Variants in TMED8 observed in about 807,000 individuals in gnomAD.
The protein encoded by TMED8 is transmembrane p24 trafficking protein family member 8.
In TMED8, 15 loss-of-function variants were observed where a neutral mutation model predicts 32.7. The observed-to-expected ratio is 0.46, with a 90% CI of 0.31 to 0.71. The LOEUF (loss-of-function observed/expected upper bound fraction) is 0.71, where lower values mean the gene tolerates loss of function less well. Ranked by LOEUF, TMED8 falls within the 30% of genes least tolerant of loss-of-function variation. The pLI is 0.06. For synonymous variants in TMED8, 147 were observed against 161.4 expected (o/e 0.91, Z 0.68); for missense variants, 390 against 423.9 (o/e 0.92, Z 0.70).
At chr14:77,364,016 C>A (rs1309857484) in intron 1 of TMED8, among the ~76,000 whole-genome samples, 1 of 152,194 alleles carries the variant, frequency 6.6e-6, no homozygotes, top group Non-Finnish European at 1.5e-5. Flanking sequence ...AAATTCTCCA[C>A]AAGGATCATC....
At position 77,376,912 on chromosome 14, in the gene TMED8, C is replaced by T; in HGVS notation, c.118+24G>A. On this transcript the variant is annotated intron_variant, in intron 1 of 5. Coordinates refer to ENST00000216468, the MANE Select transcript of TMED8 (RefSeq NM_213601.3). The surrounding 1 kb of genome is among the most constrained non-coding windows in gnomAD (Gnocchi z 4.0). ...GCCCTGAGGCCGGGCGGCACCCACC[C>T]GCCAGCGCCCCGGCCTTGCGTACCT... 6 of 1,381,236 alleles carry T rather than the reference C, an allele frequency of 4.3e-6. No individual in the cohort carries two copies. Among genetic ancestry groups the T allele is most frequent in the Non-Finnish European group, 5.7e-6 (6 of 1,057,280 alleles). The allele number at this position is 1,381,236 out of a possible 1,614,324, so 85.6% of individuals were successfully genotyped here. A position where few individuals can be genotyped will look rare whatever the true frequency, so the allele number is the denominator to read the frequency against.
intron 2 of TMED8, among the ~76,000 whole-genome samples, chr14:77,350,441 C>G (rs968723541): frequency 1.3e-5 from 2 of 152,010 alleles, no homozygotes; most frequent in African/African-American, 4.8e-5. Flanking sequence ...ATATTAGCCC[C>G]AAAATATTTG....
chr14:77,372,923 TATATATATATATATATATATATATA>T (rs1893708953), intron 1 of TMED8, among the ~76,000 whole-genome samples: 24 of 25,808 alleles, frequency 9.3e-4, no homozygotes, highest in African/African-American at 3.0e-3. Context: ...TATATATATA[TATATATATATATATATATATATATA>T]TATATTTTTT....
intron 1 of TMED8, among the ~76,000 whole-genome samples, chr14:77,362,439 A>G (rs984427830): frequency 2.6e-5 from 4 of 152,176 alleles, no homozygotes; most frequent in Non-Finnish European, 5.9e-5. Context: ...TTTATTCTAC[A>G]TAAGCCTCAT....
Position 77,341,817 on chromosome 14 carries a change from AG to A in TMED8, c.931del (p.Leu311CysfsTer29). On this transcript the variant is annotated frameshift_variant, in exon 6 of 6. Coordinates refer to ENST00000216468, the MANE Select transcript of TMED8 (RefSeq NM_213601.3). LOFTEE classifies it high-confidence loss of function. ...YLLKFDNSYS[L>X]LRNKTLYFHI... The stretch of plus-strand genomic sequence containing the variant: ...GAAGTAGAGAGTCTTGTTGCGCAGC[AG>A]GGAGTAGGAGTTGTCGAACTTGAGC... 1 of 1,613,944 alleles carries A rather than the reference AG, an allele frequency of 6.2e-7. No homozygotes were observed. The highest frequency in any genetic ancestry group is 1.1e-5 in the South Asian group (1 of 91,078).
chr14:77,346,374 G>T lies in TMED8; in HGVS notation c.302C>A (p.Ala101Glu). ...CTCATTGAGGACCTGGGCCTGGTCT[G>T]CAGGCAGCAAATCCTGTTTCACCAA... ...QALVKQDLLP[A>E]DQAQVLNEMA... The change falls in exon 3 of 6, where the codon GCA becomes GAA. Residue 101 changes from alanine to glutamate, a missense_variant. Ala to Glu is a moderately radical substitution (Grantham distance 107, BLOSUM62 -1). Coordinates refer to ENST00000216468, the MANE Select transcript of TMED8 (RefSeq NM_213601.3). 2 of 1,614,150 alleles carry T rather than the reference G, an allele frequency of 1.2e-6. No individual in the cohort carries two copies. The highest frequency in any genetic ancestry group is 1.7e-6 in the Non-Finnish European group (2 of 1,180,018).
In TMED8 at chr14:77,376,088, G is replaced by A. The variant is rs1893808346; in HGVS notation, c.118+848C>T. Among the ~76,000 whole-genome samples, 1 of 152,078 alleles carries A rather than the reference G, an allele frequency of 6.6e-6. No individual in the cohort carries two copies. Among genetic ancestry groups the A allele is most frequent in the African/African-American group, 2.4e-5 (1 of 41,404 alleles). Reference sequence around the variant, plus strand: ...CAAGTTCTCTCCCCTCTACCCTTTCGTATTTCAAAAGAGCATCCTTTCAGT... The same window carrying A: ...CAAGTTCTCTCCCCTCTACCCTTTCATATTTCAAAAGAGCATCCTTTCAGT... On this transcript the variant is annotated intron_variant, in intron 1 of 5. Coordinates refer to ENST00000216468, the MANE Select transcript of TMED8 (RefSeq NM_213601.3). The surrounding 1 kb of genome is among the most constrained non-coding windows in gnomAD (Gnocchi z 4.0).
chr14:77,367,240 TAAAAAAAAAAAAAA>T (rs56707120), intron 1 of TMED8, among the ~76,000 whole-genome samples: 1 of 25,074 alleles, frequency 4.0e-5, no homozygotes, highest in Non-Finnish European at 8.5e-5. Context: ...AGACTCTGTC[TAAAAAAAAAAAAAA>T]AAAAAAAAAA....
chr14:77,348,581 T>C (rs1203555994), intron 2 of TMED8, among the ~76,000 whole-genome samples: 1 of 152,164 alleles, frequency 6.6e-6, no homozygotes, highest in Non-Finnish European at 1.5e-5. Context: ...CAAAAATTCT[T>C]TGGGTCCTTA....
rs1892873398 is a variant in TMED8, at chr14:77,340,591, GCA to G, written c.*1178_*1179del. 6.6e-6 allele frequency: 1 copy of G among 152,162 alleles called. No homozygotes were observed. Among genetic ancestry groups the G allele is most frequent in the African/African-American group, 2.4e-5 (1 of 41,424 alleles). The allele number at this position is 152,162 out of a possible 1,614,324, so 9.4% of individuals were successfully genotyped here. On this transcript the variant is annotated 3_prime_UTR_variant, in exon 6 of 6. Transcript: ENST00000216468. ...GCTGCAGCACTACCTGCACTCTGTGGCACTCCTGAGCCTCAGGGGTGACACAG... is the reference window on the plus strand; with the variant it reads ...GCTGCAGCACTACCTGCACTCTGTGGCTCCTGAGCCTCAGGGGTGACACAG...
intron 1 of TMED8, among the ~76,000 whole-genome samples, chr14:77,358,309 T>G (rs1206161899): frequency 7.0e-6 from 1 of 141,872 alleles, no homozygotes; most frequent in Non-Finnish European, 1.5e-5. Flanking sequence ...AGGATTTTTC[T>G]TTTTTTTTTT....
rs33964835 is a variant in TMED8 at position 77,349,106 on chromosome 14, C to CTTTTTT, written c.197+2561_197+2566dup. Among the ~76,000 whole-genome samples the CTTTTTT allele has an allele frequency of 7.9e-4, 73 of 91,946 alleles. 2 individuals are homozygous for CTTTTTT. The highest frequency in any genetic ancestry group is 1.4e-3 in the African/African-American group (31 of 21,608). 60.3% of individuals were successfully genotyped at this position (91,946 alleles called of 152,430 possible). On this transcript the variant is annotated intron_variant, in intron 2 of 5. Coordinates refer to ENST00000216468, the MANE Select transcript of TMED8 (RefSeq NM_213601.3). ...GCCTGCCACCTGGAACTCTAAGGCC[C>CTTTTTT]TTTTTTTTTTTTTTTTTTTTTGGAG...
intron 1 of TMED8, among the ~76,000 whole-genome samples, chr14:77,357,843 G>C (rs1317755017): frequency 6.6e-6 from 1 of 152,032 alleles, no homozygotes; most frequent in Non-Finnish European, 1.5e-5. Flanking sequence ...GTCTTTAAAG[G>C]CTGGGCATGG....
At chr14:77,343,593 T>C (rs563754569) in intron 4 of TMED8, 104 bp downstream of exon 4, 1 of 1,582,524 alleles carries the variant, frequency 6.3e-7, no homozygotes, top group Non-Finnish European at 8.6e-7. Context: ...CTGGCTTGAC[T>C]TCCTTTCACA....
At chr14:77,346,534 C>T in intron 2 of TMED8, 56 bp from the exon 3 acceptor site, 8 of 1,603,518 alleles carry the variant, frequency 5.0e-6, no homozygotes, top group Non-Finnish European at 6.0e-6. Context: ...ACTCAATCAT[C>T]CTGGAGAAAC....
chr14:77,355,079 CTG>C (rs1250313892), intron 1 of TMED8, among the ~76,000 whole-genome samples: 1 of 151,998 alleles, frequency 6.6e-6, no homozygotes, highest in African/African-American at 2.4e-5. Context: ...ATCTGGCCAA[CTG>C]TTAACATTTT....
chr14:77,376,043 T>A lies in TMED8; in HGVS notation c.118+893A>T, dbSNP rs919100525. On this transcript the variant is annotated intron_variant, in intron 1 of 5. Transcript: ENST00000216468. This position sits in a 1 kb window ranked among gnomAD's most constrained non-coding sequence, Gnocchi z 4.0. ...ATTTCAGACCTAGAAAATTAATTTATATTTGCTACTTAAATAAGACAAGTT... is the reference window on the plus strand; with the variant it reads ...ATTTCAGACCTAGAAAATTAATTTAAATTTGCTACTTAAATAAGACAAGTT... Among the ~76,000 whole-genome samples, 2 of 152,286 alleles carry A rather than the reference T, an allele frequency of 1.3e-5. No individual in the cohort carries two copies. The highest frequency in any genetic ancestry group is 4.8e-5 in the African/African-American group (2 of 41,478).
At chr14:77,362,174 C>T (rs1276681889) in intron 1 of TMED8, among the ~76,000 whole-genome samples, 2 of 151,760 alleles carry the variant, frequency 1.3e-5, no homozygotes, top group East Asian at 3.9e-4. Flanking sequence ...ATAACTTCTA[C>T]CATTCAGCTA....
chr14:77,353,473 C>T (rs1461308176), intron 1 of TMED8, among the ~76,000 whole-genome samples: 14 of 140,078 alleles, frequency 1.0e-4, no homozygotes, highest in African/African-American at 3.5e-4. Flanking sequence ...GACAGGGTCT[C>T]CCTCTATCAC....
Sources: gnomAD v4.1 joint callset for allele counts (sites outside exome capture counted in the v4.1 genomes callset) on GRCh38, gnomAD v4.1.1 for gene constraint, Gnocchi (gnomAD v3.1) non-coding constraint, MANE v1.5 for transcripts, NCBI Gene and HGNC (gene_info 2026-07-23, HGNC 2026-07-21) for gene names.